The following ERFL variants were observed in gnomAD, a reference collection of about 807,000 sequenced individuals.
ERFL encodes the protein ETS domain-containing transcription factor ERF-like.
Under a neutral mutation model 27.9 loss-of-function variants are expected in ERFL, and 8 were observed. The observed-to-expected ratio is 0.29, with a 90% CI of 0.17 to 0.52. The LOEUF (loss-of-function observed/expected upper bound fraction) is 0.52, where lower values mean the gene tolerates loss of function less well. ERFL is among the 20% of genes least tolerant of loss of function. ERFL has a pLI of 0.97. For synonymous variants in ERFL, 174 were observed against 202.8 expected (o/e 0.86, Z 1.21); for missense variants, 294 against 444.4 (o/e 0.66, Z 3.04).
chr19:41,915,522 C>G (rs917126051), intron 1 of ERFL, among the ~76,000 whole-genome samples: 4 of 151,992 alleles, frequency 2.6e-5, no homozygotes, highest in African/African-American at 9.7e-5. Context: ...CTCCACATGG[C>G]TCTGTTTTAA....
Position 41,908,667 on chromosome 19 carries a change from C to T in ERFL, c.626G>A (p.Ser209Asn). Residue 209 changes from serine to asparagine, a missense_variant, in exon 6 of 6, where the codon AGC becomes AAC. By Grantham distance (46) the Ser-to-Asn change is conservative. Coordinates refer to ENST00000597630, the MANE Select transcript of ERFL (RefSeq NM_001365103.2). This position sits in a 1 kb window ranked among gnomAD's most constrained non-coding sequence, Gnocchi z 6.7. ...CAGCAGGCCAGGGGGCTTGGAATAGCTGGTGGCACCTGGGGGGCACAGGGG... is the reference window on the plus strand; with the variant it reads ...CAGCAGGCCAGGGGGCTTGGAATAGTTGGTGGCACCTGGGGGGCACAGGGG... ...PFPFLGSGAT[S>N]YSKPPGLLGP... is the part of the protein sequence containing the mutation. 8.1e-7 allele frequency: 1 copy of T among 1,231,474 alleles called. No individual in the cohort carries two copies. The highest frequency in any genetic ancestry group is 1.0e-6 in the Non-Finnish European group (1 of 987,816). The allele number at this position is 1,231,474 out of a possible 1,614,324, so 76.3% of individuals were successfully genotyped here.
chr19:41,921,718 C>T lies in ERFL; in HGVS notation c.-14+6322G>A, dbSNP rs560902670. The stretch of plus-strand genomic sequence containing the variant: ...GGCAGGAGAGGGATGCAGGCGAGCC[C>T]GGCCCTGGAGGTGGAGTGGAAGGCT... On this transcript the variant is annotated intron_variant, in intron 1 of 5. Transcript: ENST00000597630. The surrounding 1 kb of genome is among the most constrained non-coding windows in gnomAD (Gnocchi z 4.4). Among the ~76,000 whole-genome samples the T allele has an allele frequency of 8.0e-4, 121 of 152,148 alleles. No homozygotes were observed. Among genetic ancestry groups the T allele is most frequent in the African/African-American group, 2.7e-3 (110 of 41,500 alleles).
intron 1 of ERFL, among the ~76,000 whole-genome samples, chr19:41,919,013 A>G (rs1438587538): frequency 1.3e-5 from 2 of 151,212 alleles, no homozygotes; most frequent in African/African-American, 2.4e-5. Context: ...CATCACATAC[A>G]CACCATGCCA....
intron 1 of ERFL, among the ~76,000 whole-genome samples, chr19:41,927,292 G>A (rs1172047892): frequency 1.3e-5 from 2 of 152,080 alleles, no homozygotes; most frequent in African/African-American, 4.8e-5. Context: ...GAAGGTCAGG[G>A]CCAGGCCTGT....
At chr19:41,913,395 GC>G (rs2074766297) in intron 1 of ERFL, among the ~76,000 whole-genome samples, 1 of 151,748 alleles carries the variant, frequency 6.6e-6, no homozygotes, top group Non-Finnish European at 1.5e-5. Flanking sequence ...CTCTCTGGCT[GC>G]CCCAGATTTA....
At chr19:41,927,242 G>A (rs1240678566) in intron 1 of ERFL, among the ~76,000 whole-genome samples, 1 of 152,088 alleles carries the variant, frequency 6.6e-6, no homozygotes, top group African/African-American at 2.4e-5. Context: ...CGACAGTGGT[G>A]GAATGATAGA....
At position 41,908,673 on chromosome 19, in the gene ERFL, G is replaced by A. The variant is rs1420896057; in HGVS notation, c.620C>T (p.Ala207Val). 2.4e-6 allele frequency: 3 copies of A among 1,230,900 alleles called. No individual in the cohort carries two copies. Among genetic ancestry groups the A allele is most frequent in the Non-Finnish European group, 3.0e-6 (3 of 987,436 alleles). The allele number at this position is 1,230,900 out of a possible 1,614,324, so 76.2% of individuals were successfully genotyped here. ...GCCAGGGGGCTTGGAATAGCTGGTG[G>A]CACCTGGGGGGCACAGGGGTAGGTC... is the stretch of plus-strand genomic sequence containing the variant. Reference protein sequence around the residue: ...DSPFPFLGSGATSYSKPPGLL... With the variant: ...DSPFPFLGSGVTSYSKPPGLL... The change falls in exon 6 of 6, where the codon GCC (alanine) becomes GTC (valine). Residue 207 changes from alanine to valine, a missense_variant. By Grantham distance (64) the Ala-to-Val change is moderately conservative. Coordinates refer to ENST00000597630, the MANE Select transcript of ERFL (RefSeq NM_001365103.2). The surrounding 1 kb of genome is among the most constrained non-coding windows in gnomAD (Gnocchi z 6.7).
At chr19:41,918,353 TACACACACCATACC>T (rs1457038018) in intron 1 of ERFL, among the ~76,000 whole-genome samples, 21 of 140,280 alleles carry the variant, frequency 1.5e-4, no homozygotes, top group Non-Finnish European at 3.1e-4. Context: ...ACATACACCA[TACACACACCATACC>T]ACACACACCA....
chr19:41,925,681 G>C (rs11665965), intron 1 of ERFL, among the ~76,000 whole-genome samples: 30 of 151,796 alleles, frequency 2.0e-4, no homozygotes, highest in Non-Finnish European at 3.7e-4. Flanking sequence ...TGTCTGTGAT[G>C]AGTAACCCGA....
At chr19:41,922,933 C>T (rs1444676222) in intron 1 of ERFL, among the ~76,000 whole-genome samples, 6 of 152,216 alleles carry the variant, frequency 3.9e-5, no homozygotes, top group Admixed American at 2.0e-4. Context: ...CCTCTGCCCA[C>T]CTCTCCCTCC....
Position 41,917,559 on chromosome 19 carries a change from G to A in ERFL, c.-13-4627C>T, listed in dbSNP as rs573514346. Among the ~76,000 whole-genome samples the A allele has an allele frequency of 2.0e-5, 3 of 147,200 alleles. No individual in the cohort carries two copies. Among genetic ancestry groups the A allele is most frequent in the Non-Finnish European group, 4.5e-5 (3 of 67,312 alleles). ...TTTTTTTAAATTTCATATCTTCTCC[G>A]GGGCTCTGTCTAAAGAGGAGAGAGA... is the stretch of plus-strand genomic sequence containing the variant. On this transcript the variant is annotated intron_variant, in intron 1 of 5. Coordinates refer to ENST00000597630, the MANE Select transcript of ERFL (RefSeq NM_001365103.2). The surrounding 1 kb of genome is among the most constrained non-coding windows in gnomAD (Gnocchi z 4.8).
rs1341006319 is a variant in ERFL at position 41,910,005 on chromosome 19, T to C, written c.160A>G (p.Lys54Glu). The C allele has an allele frequency of 1.2e-6, 2 of 1,613,610 alleles. No homozygotes were observed. The highest frequency in any genetic ancestry group is 1.7e-5 in the Admixed American group (1 of 59,982). Residue 54 changes from lysine to glutamate, a missense_variant, in exon 3 of 6, where the codon AAG becomes GAG. Transcript: ENST00000597630. This position sits in a 1 kb window ranked among gnomAD's most constrained non-coding sequence, Gnocchi z 4.4. ...GCTATGACGCCCTGGTACTCCTCCT[T>C]CTGCAGCAGCTCCAGGATAAAGTGC... Reference protein sequence around the residue: ...LWHFILELLQKEEYQGVIAWQ... With the variant: ...LWHFILELLQEEEYQGVIAWQ...
At chr19:41,914,975 TCCCC>T (rs1343334298) in intron 1 of ERFL, among the ~76,000 whole-genome samples, 3 of 30,462 alleles carry the variant, frequency 9.8e-5, no homozygotes, top group East Asian at 1.5e-3. Flanking sequence ...TCTCCCTCCC[TCCCC>T]CTCCAGCATC....
At position 41,909,860 on chromosome 19, in the gene ERFL, C is replaced by A; in HGVS notation, c.302+3G>T. ...TGGGATCCAGCCCCAAGCCCTTCCT[C>A]ACCGCAGGGCCCGGCTCAGCTTGTC... On this transcript the variant is annotated splice_donor_region_variant and intron_variant, in intron 3 of 5. Coordinates refer to ENST00000597630, the MANE Select transcript of ERFL (RefSeq NM_001365103.2). The surrounding 1 kb of genome is among the most constrained non-coding windows in gnomAD (Gnocchi z 5.2). 3 of 1,605,766 alleles carry A rather than the reference C, an allele frequency of 1.9e-6. No individual in the cohort carries two copies. Among genetic ancestry groups the A allele is most frequent in the Non-Finnish European group, 1.7e-6 (2 of 1,175,412 alleles).
At chr19:41,915,735 G>A (rs1026131789) in intron 1 of ERFL, among the ~76,000 whole-genome samples, 20 of 152,014 alleles carry the variant, frequency 1.3e-4, no homozygotes, top group Non-Finnish European at 1.9e-4. Flanking sequence ...CCCGGTGTCC[G>A]TCTCTTGGGG....
chr19:41,909,419 A>C lies in ERFL; in HGVS notation c.355T>G (p.Tyr119Asp). The C allele has an allele frequency of 1.6e-6, 2 of 1,237,580 alleles. No individual in the cohort carries two copies. The highest frequency in any genetic ancestry group is 2.0e-6 in the Non-Finnish European group (2 of 990,426). 76.7% of individuals were successfully genotyped at this position (1,237,580 alleles called of 1,614,324 possible). The change falls in exon 4 of 6, where the codon TAC (tyrosine) becomes GAC (aspartate). Residue 119 changes from tyrosine to aspartate, a missense_variant. Physicochemically the swap from Tyr to Asp is radical, Grantham distance 160. Transcript: ENST00000597630. The surrounding 1 kb of genome is among the most constrained non-coding windows in gnomAD (Gnocchi z 5.2). The stretch of plus-strand genomic sequence containing the variant: ...ACGACTTTGCTGAAGTTGAACTTGT[A>C]GGTGAACCTCTTCCCTTTGGTCTTG... ...LHKTKGKRFT[Y>D]KFNFSKVVLV...
rs1397845614 is a variant in ERFL at position 41,910,020 on chromosome 19, G to A, written c.145C>T (p.Leu49=). 1.9e-5 allele frequency: 30 copies of A among 1,613,572 alleles called. No individual in the cohort carries two copies. In the Admixed American group the frequency reaches 4.8e-4, roughly 26 times the overall value. The change falls in exon 3 of 6, where the codon CTG becomes TTG. Residue 49 remains leucine, a synonymous_variant. Transcript: ENST00000597630. The surrounding 1 kb of genome is among the most constrained non-coding windows in gnomAD (Gnocchi z 4.4). The part of the protein sequence containing the change: ...SRQIQLWHFI[L]ELLQKEEYQG... Reference sequence around the variant, plus strand: ...TACTCCTCCTTCTGCAGCAGCTCCAGGATAAAGTGCCACAGCTGGATCTGC... The same window carrying A: ...TACTCCTCCTTCTGCAGCAGCTCCAAGATAAAGTGCCACAGCTGGATCTGC...
Position 41,908,069 on chromosome 19 carries a change from A to AC in ERFL, c.*158dup, listed in dbSNP as rs1364313600. 1.9e-3 allele frequency: 929 copies of AC among 483,930 alleles called. No individual in the cohort carries two copies. Among genetic ancestry groups the AC allele is most frequent in the African/African-American group, 1.0e-2 (486 of 48,770 alleles). 30.0% of individuals were successfully genotyped at this position (483,930 alleles called of 1,614,324 possible). A position where few individuals can be genotyped will look rare whatever the true frequency, so the allele number is the denominator to read the frequency against. ...TGTCCTCTGTGGAGGGGGAAGTGAG[A>AC]CCCCCCCCACTCTGGGGCTGGGGAA... On this transcript the variant is annotated 3_prime_UTR_variant, in exon 6 of 6. Transcript: ENST00000597630. This position sits in a 1 kb window ranked among gnomAD's most constrained non-coding sequence, Gnocchi z 6.7.
In ERFL at chr19:41,928,352, G is replaced by C. The variant is rs1599683866; in HGVS notation, c.-326C>G. 6.6e-6 allele frequency: 1 copy of C among 152,472 alleles called. No homozygotes were observed. The highest frequency in any genetic ancestry group is 2.4e-5 in the African/African-American group (1 of 41,432). The allele number at this position is 152,472 out of a possible 1,614,324, so 9.4% of individuals were successfully genotyped here. A position where few individuals can be genotyped will look rare whatever the true frequency, so the allele number is the denominator to read the frequency against. ...CGCGCAAAGAGAGCAGAGACGGGGAGAGCTGAGGACGGAGCTCCGGGCTGG... is the reference window on the plus strand; with the variant it reads ...CGCGCAAAGAGAGCAGAGACGGGGACAGCTGAGGACGGAGCTCCGGGCTGG... On this transcript the variant is annotated 5_prime_UTR_variant, in exon 1 of 6. Coordinates refer to ENST00000597630, the MANE Select transcript of ERFL (RefSeq NM_001365103.2).
Sources: gnomAD v4.1 joint callset for allele counts (sites outside exome capture counted in the v4.1 genomes callset) on GRCh38, gnomAD v4.1.1 for gene constraint, Gnocchi (gnomAD v3.1) non-coding constraint, MANE v1.5 for transcripts, NCBI Gene and HGNC (gene_info 2026-07-23, HGNC 2026-07-21) for gene names.